The following SEPTIN8 variants were observed in gnomAD, a reference collection of about 807,000 sequenced individuals.
The protein encoded by SEPTIN8 is septin-8.
Under a neutral mutation model 53.1 loss-of-function variants are expected in SEPTIN8, and 22 were observed. The ratio of observed to expected loss-of-function variants is 0.41; its 90% CI spans 0.30 to 0.59. The LOEUF (loss-of-function observed/expected upper bound fraction) is 0.59. Ranked by LOEUF, SEPTIN8 falls within the 20% of genes least tolerant of loss-of-function variation. SEPTIN8 has a pLI of 0.24. For synonymous variants in SEPTIN8, 228 were observed against 248.4 expected (o/e 0.92, Z 0.77); for missense variants, 536 against 638.7 (o/e 0.84, Z 1.73).
chr5:132,768,922 T>A (rs1180541179), intron 1 of SEPTIN8, among the ~76,000 whole-genome samples: 1 of 152,220 alleles, frequency 6.6e-6, no homozygotes, highest in African/African-American at 2.4e-5. Flanking sequence ...TATTATCTAT[T>A]ACTTGCAACT....
At chr5:132,758,079 A>G (rs543286969) in intron 9 of SEPTIN8, 5 of 1,000,058 alleles carry the variant, frequency 5.0e-6, no homozygotes, top group East Asian at 1.0e-4. Context: ...TTACATTCAC[A>G]GTAAAAACGC....
intron 5 of SEPTIN8, 112 bp downstream of exon 5, chr5:132,762,372 A>C: frequency 4.6e-6 from 5 of 1,078,114 alleles, no homozygotes; most frequent in South Asian, 1.5e-5. Flanking sequence ...TCTGTCCTGG[A>C]GAAGCTAAGG....
chr5:132,758,851 A>G, intron 9 of SEPTIN8: 1 of 1,603,348 alleles, frequency 6.2e-7, no homozygotes, highest in Non-Finnish European at 8.5e-7. Flanking sequence ...AAACAAACAA[A>G]ACAAAAACAG....
chr5:132,775,009 A>C (rs941109672), intron 1 of SEPTIN8, among the ~76,000 whole-genome samples: 7 of 152,160 alleles, frequency 4.6e-5, no homozygotes, highest in African/African-American at 1.7e-4. Context: ...ACCCTATCCA[A>C]GCCCTTCCAG....
At chr5:132,762,463 A>G (rs1319136433) in intron 5 of SEPTIN8, 21 bp downstream of exon 5, 1 of 1,610,758 alleles carries the variant, frequency 6.2e-7, no homozygotes, top group Non-Finnish European at 8.5e-7. Flanking sequence ...CAGGGCCCTG[A>G]GGCCCTCACC....
intron 3 of SEPTIN8, 87 bp downstream of exon 3, chr5:132,764,137 G>A: frequency 1.2e-5 from 17 of 1,377,670 alleles, no homozygotes; most frequent in Non-Finnish European, 1.7e-5. Context: ...CTGGCCCCCT[G>A]CAGTGTGAGG....
chr5:132,777,572 C>G (rs1228166021), upstream of SEPTIN8: 1 of 977,370 alleles, frequency 1.0e-6, no homozygotes, highest in East Asian at 1.1e-4. The surrounding 1 kb of genome is among the most constrained non-coding windows in gnomAD (Gnocchi z 4.1). Context: ...CGCTGGAAAG[C>G]CTTTCCCGTA....
Position 132,760,743 on chromosome 5 carries a change from A to G in SEPTIN8, c.1286+59T>C. 6.6e-7 allele frequency: 1 copy of G among 1,520,782 alleles called. No individual in the cohort carries two copies. Among genetic ancestry groups the G allele is most frequent in the Non-Finnish European group, 9.0e-7 (1 of 1,116,634 alleles). The allele number at this position is 1,520,782 out of a possible 1,614,324, so 94.2% of individuals were successfully genotyped here. On this transcript the variant is annotated intron_variant, in intron 9 of 9. Transcript: ENST00000378719. The surrounding 1 kb of genome is among the most constrained non-coding windows in gnomAD (Gnocchi z 5.2). ...GCGAGAAGGGAGGTGAGGGACAAGA[A>G]CGAAAGCAAGAGCCCACAGGAGCAA...
intron 1 of SEPTIN8, among the ~76,000 whole-genome samples, chr5:132,768,128 C>T (rs1756812320): frequency 1.3e-5 from 2 of 152,096 alleles, no homozygotes; most frequent in African/African-American, 4.8e-5. Flanking sequence ...TATCCACACA[C>T]AGCAACTGCA....
chr5:132,752,125 A>T lies in SEPTIN8; in HGVS notation c.1343T>A (p.Met448Lys). 1 of 1,598,456 alleles carries T rather than the reference A, an allele frequency of 6.3e-7. No homozygotes were observed. The highest frequency in any genetic ancestry group is 8.5e-7 in the Non-Finnish European group (1 of 1,171,942). Residue 448 changes from methionine (M) to lysine (K), a missense_variant, in exon 10 of 10, where the codon ATG becomes AAG. By Grantham distance (95) the Met-to-Lys change is moderately conservative. Around this residue, in one of 3 missense-constraint regions of SEPTIN8, gnomAD observed 133 missense variants for 157.4 expected, o/e 0.84. Transcript: ENST00000378719. ...PGMSLSSSKV[M>K]MTKASVEPLN... is the part of the protein sequence containing the mutation. ...GGGCTCCACACTGGCCTTGGTCATC[A>T]TCACCTTAGAGCTGGAGAGGCTCAT...
rs192189805 is a variant in SEPTIN8, at chr5:132,773,593, A to T, written c.30+3515T>A. ...TGACCAAAGTCTGCATCCTCACCCA[A>T]CCTTGGGCTGTTGGCATCAACAAGA... On this transcript the variant is annotated intron_variant, in intron 1 of 9. Transcript: ENST00000378719. This position sits in a 1 kb window ranked among gnomAD's most constrained non-coding sequence, Gnocchi z 4.2. Among the ~76,000 whole-genome samples the T allele has an allele frequency of 6.6e-6, 1 of 151,986 alleles. No individual in the cohort carries two copies. Among genetic ancestry groups the T allele is most frequent in the Non-Finnish European group, 1.5e-5 (1 of 67,964 alleles).
rs1755013762 is a variant in SEPTIN8 at position 132,753,204 on chromosome 5, C to T, written c.1287-1023G>A. The T allele has an allele frequency of 4.1e-6, 2 of 493,284 alleles. 1 individual carries two copies. Among genetic ancestry groups the T allele is most frequent in the South Asian group, 7.0e-5 (2 of 28,636 alleles). The allele number at this position is 493,284 out of a possible 1,614,324, so 30.6% of individuals were successfully genotyped here. A position where few individuals can be genotyped will look rare whatever the true frequency, so the allele number is the denominator to read the frequency against. ...TCTGATAGACTATGACCCTGTCTTC[C>T]CTTTTTCTCCTCTGGGCCTGAAGCC... On this transcript the variant is annotated intron_variant, in intron 9 of 9. Transcript: ENST00000378719.
In SEPTIN8 at chr5:132,760,804, C is replaced by T. The variant is rs374144712; in HGVS notation, c.1284G>A (p.Lys428=). 20 of 1,613,318 alleles carry T rather than the reference C, an allele frequency of 1.2e-5. No homozygotes were observed. In the African/African-American group the frequency reaches 2.5e-4, roughly 20 times the overall value. Residue 428 remains lysine, a splice_region_variant and synonymous_variant, in exon 9 of 10, where the codon AAG becomes AAA. Coordinates refer to ENST00000378719, the MANE Select transcript of SEPTIN8 (RefSeq NM_001098811.2). The surrounding 1 kb of genome is among the most constrained non-coding windows in gnomAD (Gnocchi z 5.2). The part of the protein sequence containing the change: ...QQPLRKDKDK[K]NRSDIGAHQP... ...CGCAGGCGCAGCCTGCCACCTACTT[C>T]TTCTTGTCCTTGTCCTTCCTCAGGG... is the stretch of plus-strand genomic sequence containing the variant.
chr5:132,766,785 G>T (rs1440187592), intron 1 of SEPTIN8, among the ~76,000 whole-genome samples: 1 of 152,096 alleles, frequency 6.6e-6, no homozygotes, highest in African/African-American at 2.4e-5. Flanking sequence ...ACCGACAGGG[G>T]GCCCTGACTC....
chr5:132,751,723 C>G lies in SEPTIN8; in HGVS notation c.*293G>C. On this transcript the variant is annotated 3_prime_UTR_variant, in exon 10 of 10. Transcript: ENST00000378719. Reference sequence around the variant, plus strand: ...GAAACATTGTCATCTAGGTACTTTCCGCTCATAACGATGATGTCACAAAGC... The same window carrying G: ...GAAACATTGTCATCTAGGTACTTTCGGCTCATAACGATGATGTCACAAAGC... 1.7e-6 allele frequency: 1 copy of G among 574,952 alleles called. No individual in the cohort carries two copies. The highest frequency in any genetic ancestry group is 3.1e-6 in the Non-Finnish European group (1 of 327,004). 35.6% of individuals were successfully genotyped at this position (574,952 alleles called of 1,614,324 possible). A position where few individuals can be genotyped will look rare whatever the true frequency, so the allele number is the denominator to read the frequency against.
At chr5:132,758,802 A>G (rs769079993) in intron 9 of SEPTIN8, 1 of 1,614,208 alleles carries the variant, frequency 6.2e-7, no homozygotes, top group Non-Finnish European at 8.5e-7. Context: ...CACTCTTGAC[A>G]TGTAAGTCTG....
chr5:132,766,409 C>T (rs796273213), intron 1 of SEPTIN8, among the ~76,000 whole-genome samples: 45 of 152,330 alleles, frequency 3.0e-4, no homozygotes, highest in African/African-American at 8.9e-4. Context: ...GGTGGCCCAC[C>T]GCTCTATAAA....
At chr5:132,758,922 G>A (rs551446882) in intron 9 of SEPTIN8, 60 of 1,098,954 alleles carry the variant, frequency 5.5e-5, no homozygotes, top group Non-Finnish European at 8.0e-5. Flanking sequence ...GATGGACACC[G>A]TGAAAGGGCA....
chr5:132,755,752 T>C (rs1277137023), intron 9 of SEPTIN8, among the ~76,000 whole-genome samples: 2 of 152,212 alleles, frequency 1.3e-5, no homozygotes, highest in Non-Finnish European at 2.9e-5. Flanking sequence ...TAAAGATTCA[T>C]GGACCACAGG....
Sources: allele counts gnomAD v4.1 joint callset (sites outside exome capture counted in the v4.1 genomes callset), GRCh38; gene constraint gnomAD v4.1.1; regional missense constraint gnomAD v4.1.1; non-coding constraint Gnocchi (gnomAD v3.1); transcripts MANE v1.5; gene names NCBI Gene and HGNC (gene_info 2026-07-23, HGNC 2026-07-21).